WDR7: variants seen among roughly 807,000 people sequenced by gnomAD.
WDR7 encodes the protein WD repeat-containing protein 7.
WDR7 carries 46 observed loss-of-function variants against 169.4 expected under a neutral mutation model. The ratio of observed to expected loss-of-function variants is 0.27; its 90% CI spans 0.21 to 0.35. WDR7 has a LOEUF of 0.35. WDR7 is among the 10% of genes least tolerant of loss of function. The pLI is 1.00. For missense variants in WDR7, 1,534 were observed against 1,859.3 expected (o/e 0.83, Z 3.22); for synonymous variants, 612 against 666.8 (o/e 0.92, Z 1.27).
intron 14 of WDR7, among the ~76,000 whole-genome samples, chr18:56,733,737 G>T (rs1306980124): frequency 6.6e-6 from 1 of 152,146 alleles, no homozygotes; most frequent in South Asian, 2.1e-4. Context: ...TTATTACTGT[G>T]AAGGAGTCTT....
At chr18:57,014,175 A>C (rs1235341955) in intron 26 of WDR7, among the ~76,000 whole-genome samples, 2 of 151,606 alleles carry the variant, frequency 1.3e-5, no homozygotes, top group Non-Finnish European at 2.9e-5. Flanking sequence ...AAAATACAAA[A>C]ATTAGCTGGG....
At chr18:56,818,328 G>A (rs1385449414) in intron 20 of WDR7, among the ~76,000 whole-genome samples, 1 of 152,148 alleles carries the variant, frequency 6.6e-6, no homozygotes, top group Non-Finnish European at 1.5e-5. Flanking sequence ...TCATGAGATA[G>A]CATTACAGTA....
At chr18:56,749,518 T>G (rs1025573206) in intron 14 of WDR7, among the ~76,000 whole-genome samples, 1 of 152,068 alleles carries the variant, frequency 6.6e-6, no homozygotes, top group African/African-American at 2.4e-5. Flanking sequence ...TGCTTTATAC[T>G]TTAGCATGAA....
intron 12 of WDR7, among the ~76,000 whole-genome samples, chr18:56,703,632 C>T (rs376355674): frequency 5.0e-4 from 76 of 151,936 alleles, no homozygotes; most frequent in African/African-American, 1.8e-3. Context: ...ATGTATTTGG[C>T]ACCATCTTTT....
At chr18:56,684,546 G>C (rs969532374) in intron 5 of WDR7, among the ~76,000 whole-genome samples, 2 of 152,190 alleles carry the variant, frequency 1.3e-5, no homozygotes, top group African/African-American at 4.8e-5. Context: ...TCTCACTGTA[G>C]ATGATGGGCA....
At chr18:56,681,708 A>C (rs2025353823) in intron 4 of WDR7, among the ~76,000 whole-genome samples, 1 of 152,218 alleles carries the variant, frequency 6.6e-6, no homozygotes, top group Non-Finnish European at 1.5e-5. Context: ...TAAATAATGG[A>C]ATTCTTCCTT....
At chr18:56,689,017 G>A (rs925218137) in intron 7 of WDR7, among the ~76,000 whole-genome samples, 1 of 152,020 alleles carries the variant, frequency 6.6e-6, no homozygotes, top group Non-Finnish European at 1.5e-5. Context: ...GAAAACTACG[G>A]AACACTCAGC....
chr18:56,978,267 C>G (rs552586736), intron 26 of WDR7, among the ~76,000 whole-genome samples: 14 of 152,194 alleles, frequency 9.2e-5, no homozygotes, highest in Non-Finnish European at 2.1e-4. Flanking sequence ...TGTTGTTTAA[C>G]TTCTCTGAGC....
chr18:56,773,095 C>A (rs1306775154), intron 16 of WDR7, among the ~76,000 whole-genome samples: 7 of 152,128 alleles, frequency 4.6e-5, no homozygotes, highest in Non-Finnish European at 1.0e-4. Context: ...TTAAAACATG[C>A]AGAATTAAAG....
intron 20 of WDR7, among the ~76,000 whole-genome samples, chr18:56,825,599 G>T (rs2045188275): frequency 6.6e-6 from 1 of 152,164 alleles, no homozygotes; most frequent in Admixed American, 6.5e-5. Context: ...ATTGCTTCTA[G>T]ATCTTGTGCT....
At position 56,796,962 on chromosome 18, in the gene WDR7, A is replaced by G. The variant is rs544743544; in HGVS notation, c.3190+15306A>G. 8.5e-5 allele frequency among the ~76,000 whole-genome samples: 13 copies of G among 152,222 alleles called. No individual in the cohort carries two copies. In the South Asian group the frequency reaches 2.7e-3, roughly 32 times the overall value. On this transcript the variant is annotated intron_variant, in intron 19 of 27. Transcript: ENST00000254442. ...TCAAACTGCAACCCTAGGACCAAAG[A>G]CTGTCTTTCCTTTGCTGGGACCTTT...
intron 12 of WDR7, among the ~76,000 whole-genome samples, chr18:56,715,879 A>T (rs772950760): frequency 7.9e-5 from 12 of 152,206 alleles, no homozygotes; most frequent in Non-Finnish European, 1.8e-4. Context: ...AGAATATTGT[A>T]TTTAACCATT....
intron 22 of WDR7, among the ~76,000 whole-genome samples, chr18:56,924,977 T>C (rs2046783641): frequency 6.6e-6 from 1 of 152,204 alleles, no homozygotes; most frequent in South Asian, 2.1e-4. Context: ...ATTAATCTTC[T>C]GTCTCTGTGA....
intron 25 of WDR7, among the ~76,000 whole-genome samples, chr18:56,941,178 C>T (rs1307529325): frequency 6.6e-6 from 1 of 152,078 alleles, no homozygotes; most frequent in African/African-American, 2.4e-5. Flanking sequence ...CAGATGATTC[C>T]AGCTTCTTCC....
rs139618083 is a variant in WDR7 at position 56,780,973 on chromosome 18, A to G, written c.3067-560A>G. 5.0e-3 allele frequency among the ~76,000 whole-genome samples: 768 copies of G among 152,352 alleles called. 9 individuals carry two copies. The highest frequency in any genetic ancestry group is 0.017 in the African/African-American group (708 of 41,580). ...AAATGATTTCCTCTATAAAACTAAA[A>G]TAAGTTATGCCTTTATACAGGAATA... On this transcript the variant is annotated intron_variant, in intron 18 of 27. Transcript: ENST00000254442.
At chr18:56,717,192 T>G (rs1426677186) in intron 12 of WDR7, among the ~76,000 whole-genome samples, 1 of 152,236 alleles carries the variant, frequency 6.6e-6, no homozygotes, top group African/African-American at 2.4e-5. Flanking sequence ...AGTTTTCAAT[T>G]GTTTATAAAT....
At chr18:56,687,168 A>G (rs1396450859) in intron 7 of WDR7, among the ~76,000 whole-genome samples, 194 bp downstream of exon 7, 1 of 152,144 alleles carries the variant, frequency 6.6e-6, no homozygotes, top group African/African-American at 2.4e-5. Context: ...GTTTGTGTTT[A>G]TGGAATGATT....
rs546977234 is a variant in WDR7, at chr18:56,968,243, T to C, written c.4164+5714T>C. On this transcript the variant is annotated intron_variant, in intron 26 of 27. Coordinates refer to ENST00000254442, the MANE Select transcript of WDR7 (RefSeq NM_015285.3). ...AAGAACCTGTTCTTAAAGCTTCCTG[T>C]TGTCTAGTGCCTGGTATATAGTAGA... 2.6e-5 allele frequency among the ~76,000 whole-genome samples: 4 copies of C among 152,332 alleles called. No individual in the cohort carries two copies. In the East Asian group the frequency reaches 7.7e-4, roughly 29 times the overall value.
intron 16 of WDR7, among the ~76,000 whole-genome samples, chr18:56,772,391 A>G (rs958493992): frequency 5.9e-5 from 9 of 152,202 alleles, no homozygotes; most frequent in Non-Finnish European, 1.2e-4. Flanking sequence ...ACCACGTGGC[A>G]GATACAAGCA....
Sources: allele counts gnomAD v4.1 joint callset (sites outside exome capture counted in the v4.1 genomes callset), GRCh38; gene constraint gnomAD v4.1.1; transcripts MANE v1.5; gene names NCBI Gene and HGNC (gene_info 2026-07-23, HGNC 2026-07-21).